Variants in PC observed in about 807,000 individuals in gnomAD.
PC encodes pyruvate carboxylase, also known as pyruvate carboxylase, mitochondrial.
A neutral mutation model predicts 107.8 loss-of-function variants in PC; 46 were observed. That is an observed-to-expected ratio of 0.43 (90% CI 0.34 to 0.55). PC has a LOEUF of 0.55. Ranked by LOEUF, PC falls within the 20% of genes least tolerant of loss-of-function variation. The pLI, the probability that PC is intolerant of heterozygous loss-of-function variation, is 0.04. For synonymous variants in PC, 662 were observed against 684.7 expected (o/e 0.97, Z 0.52); for missense variants, 1,241 against 1,643.1 (o/e 0.76, Z 4.23).
intron 12 of PC, 88 bp downstream of exon 12, chr11:66,863,685 CA>C (rs1310363137): frequency 7.3e-7 from 1 of 1,377,174 alleles, no homozygotes; most frequent in Non-Finnish European, 9.9e-7. Flanking sequence ...GAGGTGAAGC[CA>C]TGTGCAAGGC....
chr11:66,862,163 A>G (rs1240057198), intron 12 of PC, among the ~76,000 whole-genome samples: 1 of 152,158 alleles, frequency 6.6e-6, no homozygotes, highest in Non-Finnish European at 1.5e-5. Flanking sequence ...AGCAAGGTGC[A>G]GGGGGAGCGC....
chr11:66,883,044 C>G (rs989711549), intron 3 of PC, among the ~76,000 whole-genome samples: 1 of 151,662 alleles, frequency 6.6e-6, no homozygotes, highest in African/African-American at 2.4e-5. Flanking sequence ...CTCAGCTGTC[C>G]GGGCTCTGGG....
chr11:66,849,470 C>T (rs973437119), intron 21 of PC, 100 bp from the exon 22 acceptor site: 27 of 1,602,410 alleles, frequency 1.7e-5, no homozygotes, highest in African/African-American at 1.5e-4. Context: ...CTTGGCTCCT[C>T]GTTCCTAAAG....
intron 12 of PC, chr11:66,859,987 C>T: frequency 4.4e-6 from 7 of 1,598,736 alleles, no homozygotes; most frequent in Non-Finnish European, 6.0e-6. Context: ...CCCAGCCCCA[C>T]ACCCAAGGCC....
intron 1 of PC, among the ~76,000 whole-genome samples, chr11:66,955,030 T>C (rs925832279): frequency 1.1e-4 from 17 of 152,014 alleles, no homozygotes. Context: ...GATTGCCAGA[T>C]TTACTGCCAT....
At chr11:66,882,656 C>T (rs1002879992) in intron 3 of PC, among the ~76,000 whole-genome samples, 1 of 152,248 alleles carries the variant, frequency 6.6e-6, no homozygotes, top group Non-Finnish European at 1.5e-5. Flanking sequence ...GTGCCCCTAG[C>T]CCCAGCTGGG....
chr11:66,909,351 C>T (rs866538278), intron 3 of PC, among the ~76,000 whole-genome samples: 3 of 152,310 alleles, frequency 2.0e-5, no homozygotes, highest in Non-Finnish European at 2.9e-5. Flanking sequence ...AGGTCATACT[C>T]GTCATGGACC....
intron 12 of PC, among the ~76,000 whole-genome samples, chr11:66,855,363 G>T (rs1945740486): frequency 6.6e-6 from 1 of 152,202 alleles, no homozygotes; most frequent in African/African-American, 2.4e-5. Context: ...CGCCCAGGCT[G>T]GAATTCAGTG....
intron 3 of PC, among the ~76,000 whole-genome samples, chr11:66,898,459 C>T (rs1947836046): frequency 6.6e-6 from 1 of 152,120 alleles, no homozygotes. Flanking sequence ...GTGGGCAGAT[C>T]ACTTGAAGTC....
intron 3 of PC, among the ~76,000 whole-genome samples, chr11:66,942,875 G>T (rs1949178175): frequency 6.6e-6 from 1 of 151,896 alleles, no homozygotes. Flanking sequence ...AATTAGCTGG[G>T]TCTGGTGGCG....
At chr11:66,911,137 T>G (rs1306243057) in intron 3 of PC, among the ~76,000 whole-genome samples, 1 of 152,200 alleles carries the variant, frequency 6.6e-6, no homozygotes, top group Non-Finnish European at 1.5e-5. Flanking sequence ...CTTGTAATAA[T>G]AGCCTTAGTC....
At chr11:66,868,063 G>C (rs905701162) in intron 10 of PC, among the ~76,000 whole-genome samples, 1 of 152,254 alleles carries the variant, frequency 6.6e-6, no homozygotes, top group South Asian at 2.1e-4. Context: ...TTTTGAAAAT[G>C]TCATCCTCAG....
chr11:66,952,593 G>A, intron 2 of PC, 125 bp from the exon 3 acceptor site: 1 of 152,318 alleles, frequency 6.6e-6, no homozygotes, highest in Non-Finnish European at 1.5e-5. Flanking sequence ...CCGGGCTGGA[G>A]TGCAATGGCG....
chr11:66,868,783 G>A lies in PC; in HGVS notation c.1022+63C>T, dbSNP rs202065066. Reference sequence around the variant, plus strand: ...CCTGGCTGGCCCCAGGAGCCACTTCGCCTGTACTTTATGCAAATCCTAGAA... The same window carrying A: ...CCTGGCTGGCCCCAGGAGCCACTTCACCTGTACTTTATGCAAATCCTAGAA... On this transcript the variant is annotated intron_variant, in intron 10 of 22. Transcript: ENST00000393960. The A allele has an allele frequency of 3.1e-3, 4,180 of 1,336,602 alleles. 118 individuals are homozygous for A. The South Asian group carries it at 0.045, about 14-fold the overall frequency. The allele number at this position is 1,336,602 out of a possible 1,614,324, so 82.8% of individuals were successfully genotyped here. A position where few individuals can be genotyped will look rare whatever the true frequency, so the allele number is the denominator to read the frequency against.
Position 66,871,944 on chromosome 11 carries a change from G to T in PC, c.137-73C>A. 6.4e-7 allele frequency: 1 copy of T among 1,570,950 alleles called. No individual in the cohort carries two copies. On this transcript the variant is annotated intron_variant, in intron 4 of 22. Coordinates refer to ENST00000393960, the MANE Select transcript of PC (RefSeq NM_001040716.2). This position sits in a 1 kb window ranked among gnomAD's most constrained non-coding sequence, Gnocchi z 7.4. ...GCAGAAAGGGGAGTGGGAAGCCAGG[G>T]CCTGGGGCAGTGAGTGGGAGAAGAA...
intron 3 of PC, among the ~76,000 whole-genome samples, chr11:66,929,808 C>T (rs891345158): frequency 1.1e-4 from 16 of 152,162 alleles, no homozygotes; most frequent in African/African-American, 3.4e-4. Flanking sequence ...TGAGCCACCA[C>T]GCCTGGCCAG....
At chr11:66,931,943 C>T (rs1455285552) in intron 3 of PC, among the ~76,000 whole-genome samples, 16 of 149,864 alleles carry the variant, frequency 1.1e-4, no homozygotes, top group East Asian at 5.9e-4. Flanking sequence ...GGCGTGAACC[C>T]GGGAGGCGGA....
In PC at chr11:66,858,639, A is replaced by G. The variant is rs1313380122; in HGVS notation, c.1368+5135T>C. The stretch of plus-strand genomic sequence containing the variant: ...CTGGGTGCTGGAAGGCCAGCGGGCC[A>G]CGCTGCGGTGCCGGGCCCTGGGTGA... On this transcript the variant is annotated intron_variant, in intron 12 of 22. Transcript: ENST00000393960. The surrounding 1 kb of genome is among the most constrained non-coding windows in gnomAD (Gnocchi z 5.9). The G allele has an allele frequency of 2.6e-6, 4 of 1,538,818 alleles. No individual in the cohort carries two copies. The highest frequency in any genetic ancestry group is 4.9e-5 in the East Asian group (2 of 40,842).
In PC at chr11:66,850,415, A is replaced by G. The variant is rs769303770; in HGVS notation, c.2523T>C (p.Ala841=). The G allele has an allele frequency of 1.2e-6, 2 of 1,613,946 alleles. No homozygotes were observed. The highest frequency in any genetic ancestry group is 1.1e-5 in the South Asian group (1 of 91,082). ...VFDYSEYWEG[A]RGLYAAFDCT... Reference sequence around the variant, plus strand: ...AGTCGAAGGCCGCGTACAGTCCCCGAGCCCCCTCCCAGTACTCACTGTAGT... The same window carrying G: ...AGTCGAAGGCCGCGTACAGTCCCCGGGCCCCCTCCCAGTACTCACTGTAGT... Residue 841 remains alanine, a synonymous_variant, in exon 19 of 23, where the codon GCT becomes GCC. Transcript: ENST00000393960.
Sources: allele counts gnomAD v4.1 joint callset (sites outside exome capture counted in the v4.1 genomes callset), GRCh38; gene constraint gnomAD v4.1.1; non-coding constraint Gnocchi (gnomAD v3.1); transcripts MANE v1.5; gene names NCBI Gene and HGNC (gene_info 2026-07-23, HGNC 2026-07-21).